The following EXOC4 variants were observed in gnomAD, a reference collection of about 807,000 sequenced individuals.
EXOC4 encodes the protein exocyst complex component 4, also known as SEC8-like 1.
In EXOC4, 71 loss-of-function variants were observed where a neutral mutation model predicts 107.2. The observed-to-expected ratio is 0.66, with a 90% CI of 0.55 to 0.81. EXOC4 has a LOEUF of 0.81. Ranked by LOEUF, EXOC4 falls within the 30% of genes least tolerant of loss-of-function variation. EXOC4 has a pLI of 0.00. For missense variants in EXOC4, 1,108 were observed against 1,189.6 expected, an observed-to-expected ratio of 0.93 and a Z score of 1.01; for synonymous variants, 456 against 441.2, an observed-to-expected ratio of 1.03 and a Z score of -0.42.
intron 9 of EXOC4, among the ~76,000 whole-genome samples, chr7:133,615,223 T>C (rs1185871569): frequency 2.0e-5 from 3 of 151,952 alleles, no homozygotes; most frequent in Admixed American, 2.0e-4. Context: ...TTCTTCTGTC[T>C]CTTCCACTCC....
chr7:134,059,245 G>T (rs193155913), intron 17 of EXOC4, among the ~76,000 whole-genome samples: 250 of 152,246 alleles, frequency 1.6e-3, no homozygotes, highest in African/African-American at 5.7e-3. Context: ...GCAAAGAAGG[G>T]AACTGAAACT....
chr7:133,974,663 T>A (rs939398541), intron 14 of EXOC4, among the ~76,000 whole-genome samples: 1 of 152,052 alleles, frequency 6.6e-6, no homozygotes, highest in Non-Finnish European at 1.5e-5. Flanking sequence ...GAAACAAGAG[T>A]TCTGTTTTGG....
chr7:133,612,456 A>C (rs1220112892), intron 9 of EXOC4, among the ~76,000 whole-genome samples: 1 of 152,218 alleles, frequency 6.6e-6, no homozygotes, highest in Non-Finnish European at 1.5e-5. Flanking sequence ...TGAGGTCTGC[A>C]GTTCTGGGGA....
intron 10 of EXOC4, among the ~76,000 whole-genome samples, chr7:133,748,500 TC>T (rs1444455457): frequency 1.3e-5 from 2 of 152,144 alleles, no homozygotes; most frequent in Non-Finnish European, 2.9e-5. Flanking sequence ...CCAAAATTAC[TC>T]CCAGGTTTGG....
intron 9 of EXOC4, among the ~76,000 whole-genome samples, chr7:133,571,249 C>T (rs892416418): frequency 6.6e-6 from 1 of 152,050 alleles, no homozygotes; most frequent in Admixed American, 6.6e-5. Context: ...GAAAGGGAGC[C>T]CTTGTCTGAT....
intron 10 of EXOC4, among the ~76,000 whole-genome samples, chr7:133,775,149 T>G (rs1451837786): frequency 1.3e-5 from 2 of 152,178 alleles, no homozygotes; most frequent in Non-Finnish European, 2.9e-5. Context: ...TTGTCAGAAG[T>G]GAGGAATTGC....
rs1351536337 is a variant in EXOC4 at position 133,576,440 on chromosome 7, A to G, written c.1418-53605A>G. 2.5e-6 allele frequency: 3 copies of G among 1,211,264 alleles called. No homozygotes were observed. The African/African-American group carries it at 4.7e-5, about 19-fold the overall frequency. 75.0% of individuals were successfully genotyped at this position (1,211,264 alleles called of 1,614,324 possible). A position where few individuals can be genotyped will look rare whatever the true frequency, so the allele number is the denominator to read the frequency against. ...TTAGCATTATGTAGTATATTACTAC[A>G]CTTAAAAAATTATTTAACCCATTTA... On this transcript the variant is annotated intron_variant, in intron 9 of 17. Transcript: ENST00000253861.
intron 10 of EXOC4, among the ~76,000 whole-genome samples, chr7:133,709,428 G>A (rs746216060): frequency 2.2e-4 from 33 of 152,302 alleles, no homozygotes; most frequent in Non-Finnish European, 4.3e-4. Context: ...GCAGGTGAGA[G>A]TTGCTACCTG....
rs1796702057 is a variant in EXOC4, at chr7:133,385,191, G to A, written c.1182+10189G>A. Among the ~76,000 whole-genome samples, 4 of 152,204 alleles carry A rather than the reference G, an allele frequency of 2.6e-5. 1 individual carries two copies. The South Asian group carries it at 8.3e-4, about 32-fold the overall frequency. The stretch of plus-strand genomic sequence containing the variant: ...AGGCCTGGCCTTGGGGCATTACTTG[G>A]TATCACGTCTACTGTGTTCTTTTGG... On this transcript the variant is annotated intron_variant, in intron 7 of 17. Transcript: ENST00000253861.
At chr7:133,966,618 G>A (rs1447482703) in intron 14 of EXOC4, among the ~76,000 whole-genome samples, 1 of 152,140 alleles carries the variant, frequency 6.6e-6, no homozygotes, top group Non-Finnish European at 1.5e-5. Flanking sequence ...TTTATGTGAT[G>A]GATTATGTTT....
Position 133,369,800 on chromosome 7 carries a change from C to CTTTT in EXOC4, c.1008-5008_1008-5005dup, listed in dbSNP as rs35258276. ...AGCATCTCTCCTTCTACTAGATTTC[C>CTTTT]TTTTTTTTTTTTTTTTTTTTTTTGA... On this transcript the variant is annotated intron_variant, in intron 6 of 17. Transcript: ENST00000253861. Among the ~76,000 whole-genome samples the CTTTT allele has an allele frequency of 2.4e-3, 211 of 86,614 alleles. 3 individuals are homozygous for CTTTT. The highest frequency in any genetic ancestry group is 3.4e-3 in the African/African-American group (72 of 21,450). The allele number at this position is 86,614 out of a possible 152,430, so 56.8% of individuals were successfully genotyped here.
intron 13 of EXOC4, among the ~76,000 whole-genome samples, chr7:133,923,215 A>G (rs6467510): frequency 0.47 from 69,961 of 147,932 alleles, 17,592 homozygotes; most frequent in African/African-American, 0.66. Context: ...TGCAACTGCC[A>G]CCTTCTGGTT....
At chr7:133,608,403 C>T (rs957602742) in intron 9 of EXOC4, among the ~76,000 whole-genome samples, 2 of 151,534 alleles carry the variant, frequency 1.3e-5, no homozygotes, top group African/African-American at 4.9e-5. Flanking sequence ...GAGATTTAGG[C>T]GTTATACTGA....
chr7:133,871,499 A>G (rs949737777), intron 11 of EXOC4, among the ~76,000 whole-genome samples: 1 of 152,078 alleles, frequency 6.6e-6, no homozygotes, highest in Non-Finnish European at 1.5e-5. Flanking sequence ...GGTTACACCA[A>G]CCTTACACGT....
chr7:133,829,424 G>C (rs1423993519), intron 11 of EXOC4, among the ~76,000 whole-genome samples: 1 of 152,200 alleles, frequency 6.6e-6, no homozygotes, highest in Non-Finnish European at 1.5e-5. Context: ...CTAAGGCAGG[G>C]ATCCACTAGT....
chr7:133,255,978 CTT>C (rs34708213), intron 1 of EXOC4, among the ~76,000 whole-genome samples: 4 of 144,064 alleles, frequency 2.8e-5, no homozygotes, highest in Non-Finnish European at 3.0e-5. Flanking sequence ...TTCATTATTC[CTT>C]TTTTTTTTTT....
intron 5 of EXOC4, among the ~76,000 whole-genome samples, chr7:133,351,378 T>C (rs1453883715): frequency 6.6e-6 from 1 of 152,042 alleles, no homozygotes; most frequent in Non-Finnish European, 1.5e-5. Context: ...TTACTAGTTA[T>C]AGATCTATTT....
chr7:133,542,191 G>GTGTGTT (rs982215853), intron 9 of EXOC4, among the ~76,000 whole-genome samples: 2 of 151,696 alleles, frequency 1.3e-5, no homozygotes, highest in African/African-American at 4.8e-5. Flanking sequence ...GTGTGTGTGT[G>GTGTGTT]TGTGTGTGCC....
At chr7:133,826,084 T>G (rs577457711) in intron 11 of EXOC4, among the ~76,000 whole-genome samples, 1 of 152,334 alleles carries the variant, frequency 6.6e-6, no homozygotes, top group South Asian at 2.1e-4. Flanking sequence ...TGTGGCTACC[T>G]AAGACTTTAT....
Sources: gnomAD v4.1 joint callset for allele counts (sites outside exome capture counted in the v4.1 genomes callset) on GRCh38, gnomAD v4.1.1 for gene constraint, MANE v1.5 for transcripts, NCBI Gene and HGNC (gene_info 2026-07-23, HGNC 2026-07-21) for gene names.